The following ZNF732 variants were observed in gnomAD, a reference collection of about 807,000 sequenced individuals.
The protein encoded by ZNF732 is zinc finger protein LOC654254.
Under a neutral mutation model 11.5 loss-of-function variants are expected in ZNF732, and 12 were observed. The observed-to-expected ratio is 1.05, with a 90% CI of 0.67 to 1.70. ZNF732 has a LOEUF of 1.70. ZNF732 is among the 40% of genes most tolerant of loss of function. The pLI is 0.00. For missense variants in ZNF732, 702 were observed against 676.9 expected (o/e 1.04, Z -0.41); for synonymous variants, 231 against 236.5 (o/e 0.98, Z 0.21).
At chr4:277,431 AAC>A (rs1231470118) in intron 3 of ZNF732, among the ~76,000 whole-genome samples, 1 of 152,096 alleles carries the variant, frequency 6.6e-6, no homozygotes, top group African/African-American at 2.4e-5. Flanking sequence ...TAACAAAAAT[AAC>A]ACACAATTTA....
chr4:282,527 G>A (rs1170130994), intron 3 of ZNF732, among the ~76,000 whole-genome samples: 1 of 152,046 alleles, frequency 6.6e-6, no homozygotes, highest in East Asian at 1.9e-4. Flanking sequence ...GCAAAACCCT[G>A]TCTCTACAAA....
Position 271,584 on chromosome 4 carries a change from T to C in ZNF732, c.1273A>G (p.Lys425Glu). 6.2e-7 allele frequency: 1 copy of C among 1,613,492 alleles called. No individual in the cohort carries two copies. The highest frequency in any genetic ancestry group is 8.5e-7 in the Non-Finnish European group (1 of 1,179,658). Residue 425 changes from lysine to glutamate, a missense_variant, in exon 4 of 4, where the codon AAA (lysine) becomes GAA (glutamate). Lys to Glu is a moderately conservative substitution (Grantham distance 56). Around this residue, in one of 3 missense-constraint regions of ZNF732, gnomAD observed 596 missense variants for 557.9 expected, o/e 1.07. Transcript: ENST00000419098. ...AGGTCTGTGGACCATCCAAAGGCTTTGCCACACTCTTCACATTTGTGGGGC... is the reference window on the plus strand; with the variant it reads ...AGGTCTGTGGACCATCCAAAGGCTTCGCCACACTCTTCACATTTGTGGGGC... The part of the protein sequence containing the change: ...ERPHKCEECG[K>E]AFGWSTDLNK...
Position 305,466 on chromosome 4 carries a change from G to A in ZNF732, c.-156C>T, listed in dbSNP as rs1560167333. ...AGACCCTAACCGAGCTCACGCTGGC[G>A]CAAAAGGCAAAAGCCGCGCCAGATC... On this transcript the variant is annotated 5_prime_UTR_variant, in exon 1 of 4. Coordinates refer to ENST00000419098, the MANE Select transcript of ZNF732 (RefSeq NM_001137608.3). 7.8e-6 allele frequency: 8 copies of A among 1,031,720 alleles called. No homozygotes were observed. The highest frequency in any genetic ancestry group is 1.6e-5 in the South Asian group (1 of 64,188). 63.9% of individuals were successfully genotyped at this position (1,031,720 alleles called of 1,614,324 possible).
At chr4:290,303 C>T (rs1216479559) in intron 3 of ZNF732, among the ~76,000 whole-genome samples, 1 of 151,832 alleles carries the variant, frequency 6.6e-6, no homozygotes, top group Admixed American at 6.5e-5. Flanking sequence ...AAATTATGCA[C>T]AGAGTTTGGT....
At chr4:298,520 T>G (rs1720010482) in intron 1 of ZNF732, among the ~76,000 whole-genome samples, 2 of 152,088 alleles carry the variant, frequency 1.3e-5, no homozygotes, top group Non-Finnish European at 2.9e-5. Context: ...TATCTTCCTC[T>G]AAAATGGGAG....
intron 1 of ZNF732, among the ~76,000 whole-genome samples, chr4:302,245 T>C (rs1160189405): frequency 1.3e-5 from 2 of 152,004 alleles, no homozygotes; most frequent in Non-Finnish European, 2.9e-5. Context: ...TTCTGGACAG[T>C]GTGAGGAAAA....
chr4:273,547 T>G (rs568685887), intron 3 of ZNF732, among the ~76,000 whole-genome samples: 6 of 150,932 alleles, frequency 4.0e-5, no homozygotes, highest in Non-Finnish European at 8.9e-5. Flanking sequence ...ATCAGAAAAA[T>G]GAGAACATCA....
chr4:299,580 T>TTTA (rs1720067589), intron 1 of ZNF732, among the ~76,000 whole-genome samples: 1 of 139,942 alleles, frequency 7.1e-6, no homozygotes, highest in African/African-American at 2.7e-5. Context: ...TATATATAAT[T>TTTA]TATATATAAA....
chr4:289,294 G>A (rs539388814), intron 3 of ZNF732, among the ~76,000 whole-genome samples: 5 of 152,380 alleles, frequency 3.3e-5, no homozygotes, highest in South Asian at 4.1e-4. Context: ...ATGTGTGTGC[G>A]CTCGCGCACA....
Position 283,523 on chromosome 4 carries a change from A to C in ZNF732, c.227-10893T>G, listed in dbSNP as rs150309736. Among the ~76,000 whole-genome samples the C allele has an allele frequency of 6.5e-3, 992 of 152,222 alleles. 5 individuals are homozygous for C. The highest frequency in any genetic ancestry group is 0.011 in the Non-Finnish European group (731 of 68,018). On this transcript the variant is annotated intron_variant, in intron 3 of 3. Coordinates refer to ENST00000419098, the MANE Select transcript of ZNF732 (RefSeq NM_001137608.3). ...AAAAAAAATCTGCCACAAAAAAAAA[A>C]ACTTCATGATATAGTGATAAGAGGC...
chr4:280,960 C>A (rs1560158945), intron 3 of ZNF732, among the ~76,000 whole-genome samples: 1 of 152,102 alleles, frequency 6.6e-6, no homozygotes, highest in East Asian at 1.9e-4. Flanking sequence ...GCCCAGACAC[C>A]CACAGAGAGA....
chr4:279,240 C>G (rs1719566304), intron 3 of ZNF732, among the ~76,000 whole-genome samples: 2 of 151,664 alleles, frequency 1.3e-5, no homozygotes, highest in South Asian at 2.1e-4. Context: ...AGATCAAGAC[C>G]ATCCTGGCTA....
chr4:304,126 T>G lies in ZNF732; in HGVS notation c.3+1182A>C, dbSNP rs77149905. On this transcript the variant is annotated intron_variant, in intron 1 of 3. Coordinates refer to ENST00000419098, the MANE Select transcript of ZNF732 (RefSeq NM_001137608.3). ...TGTGTGTGTTATTGGCAGAATACCC[T>G]AGGAGCAAAGCTGTCACGGGCACAA... 4.9e-3 allele frequency among the ~76,000 whole-genome samples: 750 copies of G among 152,218 alleles called. 12 individuals carry two copies. Among genetic ancestry groups the G allele is most frequent in the African/African-American group, 0.017 (697 of 41,526 alleles).
intron 1 of ZNF732, among the ~76,000 whole-genome samples, chr4:304,472 A>C (rs1553844052): frequency 6.6e-6 from 1 of 152,036 alleles, no homozygotes; most frequent in Admixed American, 6.5e-5. Flanking sequence ...AACATCAGTC[A>C]ATGCTCCAAC....
Position 271,380 on chromosome 4 carries a change from T to G in ZNF732, c.1477A>C (p.Lys493Gln). 1 of 1,599,942 alleles carries G rather than the reference T, an allele frequency of 6.3e-7. No homozygotes were observed. Among genetic ancestry groups the G allele is most frequent in the Non-Finnish European group, 8.5e-7 (1 of 1,172,758 alleles). Residue 493 changes from lysine to glutamine, a missense_variant, in exon 4 of 4, where the codon AAG becomes CAG. By Grantham distance (53) the Lys-to-Gln change is moderately conservative (BLOSUM62 1). This residue lies in a region of ZNF732 where 12 missense variants were observed against 31.5 expected (regional missense o/e 0.38). Transcript: ENST00000419098. ...FLCSRALNKH[K>Q]TIHTGEKPYE... ...GGTTTCTCTCCAGTATGAATTGTCT[T>G]ATGTTTATTCAGGGCTCTGGAACAT... is the stretch of plus-strand genomic sequence containing the variant.
At chr4:279,223 G>A (rs1255125409) in intron 3 of ZNF732, among the ~76,000 whole-genome samples, 1 of 151,870 alleles carries the variant, frequency 6.6e-6, no homozygotes, top group Non-Finnish European at 1.5e-5. Context: ...CAGATCACGA[G>A]GTCAGAAGAT....
At chr4:294,285 G>C (rs12501727) in intron 3 of ZNF732, among the ~76,000 whole-genome samples, 38,302 of 152,128 alleles carry the variant, frequency 0.25, 5,004 homozygotes, top group South Asian at 0.38. Flanking sequence ...CAGGCGTGAG[G>C]CAAGGCACCC....
In ZNF732 at chr4:279,455, AAAC is replaced by A. The variant is rs1430974099; in HGVS notation, c.227-6828_227-6826del. ...AGCGAGACTCCGTCTCAAAAAAAAA[AAAC>A]AACAACCAGACATTATATTATATAA... is the stretch of plus-strand genomic sequence containing the variant. On this transcript the variant is annotated intron_variant, in intron 3 of 3. Coordinates refer to ENST00000419098, the MANE Select transcript of ZNF732 (RefSeq NM_001137608.3). Among the ~76,000 whole-genome samples the A allele has an allele frequency of 7.2e-5, 11 of 151,998 alleles. No homozygotes were observed. The East Asian group carries it at 7.7e-4, about 11-fold the overall frequency.
chr4:289,679 G>C (rs546207968), intron 3 of ZNF732, among the ~76,000 whole-genome samples: 2 of 152,236 alleles, frequency 1.3e-5, no homozygotes, highest in South Asian at 4.1e-4. Context: ...TCGTGTTTCT[G>C]TAGAAATTTC....
Sources: allele counts gnomAD v4.1 joint callset (sites outside exome capture counted in the v4.1 genomes callset), GRCh38; gene constraint gnomAD v4.1.1; regional missense constraint gnomAD v4.1.1; transcripts MANE v1.5; gene names NCBI Gene and HGNC (gene_info 2026-07-23, HGNC 2026-07-21).